The following NUBPL variants were observed in gnomAD, a reference collection of about 807,000 sequenced individuals.
NUBPL encodes the protein NUBP iron-sulfur cluster assembly factor, mitochondrial, also known as iron-sulfur cluster transfer protein NUBPL.
A neutral mutation model predicts 45.7 loss-of-function variants in NUBPL; 31 were observed. The ratio of observed to expected loss-of-function variants is 0.68; its 90% CI spans 0.51 to 0.92. NUBPL has a LOEUF of 0.92. Ranked by LOEUF, NUBPL falls within the 40% of genes least tolerant of loss-of-function variation. The pLI is 0.00. For synonymous variants in NUBPL, 144 were observed against 140.9 expected (o/e 1.02, Z -0.15); for missense variants, 401 against 398.7 (o/e 1.01, Z -0.05).
chr14:31,628,656 A>G lies in NUBPL; in HGVS notation c.382+29277A>G, dbSNP rs185434024. ...TTTCTGTTCATCCTTTTGTCTTCCA[A>G]GTAAAAATGATGTTCCATGAAAAAT... On this transcript the variant is annotated intron_variant, in intron 4 of 10. Coordinates refer to ENST00000281081, the MANE Select transcript of NUBPL (RefSeq NM_025152.3). Among the ~76,000 whole-genome samples the G allele has an allele frequency of 2.1e-3, 318 of 152,236 alleles. 1 individual carries two copies. Among genetic ancestry groups the G allele is most frequent in the African/African-American group, 7.3e-3 (302 of 41,530 alleles).
chr14:31,631,938 G>A (rs1457612245), intron 4 of NUBPL, among the ~76,000 whole-genome samples: 1 of 152,070 alleles, frequency 6.6e-6, no homozygotes, highest in Non-Finnish European at 1.5e-5. Context: ...GTGGCCCAAA[G>A]TGACATAAAA....
rs544923462 is a variant in NUBPL at position 31,603,079 on chromosome 14, A to C, written c.382+3700A>C. 2.6e-5 allele frequency among the ~76,000 whole-genome samples: 4 copies of C among 152,196 alleles called. No homozygotes were observed. In the East Asian group the frequency reaches 7.7e-4, roughly 29 times the overall value. On this transcript the variant is annotated intron_variant, in intron 4 of 10. Coordinates refer to ENST00000281081, the MANE Select transcript of NUBPL (RefSeq NM_025152.3). Reference sequence around the variant, plus strand: ...GTAATCCCAGCACTTTGGGAGACTGAGGTGGGAGGACAGCTTGAGCCCAGG... The same window carrying C: ...GTAATCCCAGCACTTTGGGAGACTGCGGTGGGAGGACAGCTTGAGCCCAGG...
At chr14:31,807,344 GT>G (rs2039710314) in intron 7 of NUBPL, among the ~76,000 whole-genome samples, 4 of 152,042 alleles carry the variant, frequency 2.6e-5, no homozygotes, top group Admixed American at 1.3e-4. Flanking sequence ...TCTCATTGTG[GT>G]TTTGATTTGC....
chr14:31,754,842 TC>T (rs1407539853), intron 6 of NUBPL, among the ~76,000 whole-genome samples: 4 of 78,756 alleles, frequency 5.1e-5, no homozygotes, highest in African/African-American at 2.0e-4. Flanking sequence ...ATGCTATCCC[TC>T]CCCCCTCCCC....
At chr14:31,800,243 G>T (rs760390746) in intron 7 of NUBPL, among the ~76,000 whole-genome samples, 3 of 152,124 alleles carry the variant, frequency 2.0e-5, no homozygotes, top group Non-Finnish European at 4.4e-5. Flanking sequence ...ATCTGTGAGG[G>T]CTGGAATCAA....
intron 7 of NUBPL, among the ~76,000 whole-genome samples, chr14:31,798,807 A>C (rs1290395263): frequency 6.7e-6 from 1 of 149,818 alleles, no homozygotes. Context: ...AAAAAAAAAA[A>C]AAAAAAAAAA....
intron 6 of NUBPL, among the ~76,000 whole-genome samples, chr14:31,741,805 C>A (rs893779472): frequency 6.8e-6 from 1 of 146,668 alleles, no homozygotes; most frequent in African/African-American, 2.8e-5. Context: ...GTCTACCTGT[C>A]TAATTTTTGG....
intron 4 of NUBPL, among the ~76,000 whole-genome samples, chr14:31,618,201 T>G (rs2034962080): frequency 6.6e-6 from 1 of 152,178 alleles, no homozygotes; most frequent in Non-Finnish European, 1.5e-5. Flanking sequence ...GTCTATCTAG[T>G]TTGTTAATCT....
rs573356448 is a variant in NUBPL at position 31,668,949 on chromosome 14, C to G, written c.383-4406C>G. Among the ~76,000 whole-genome samples the G allele has an allele frequency of 1.7e-4, 26 of 152,330 alleles. No individual in the cohort carries two copies. In the South Asian group the frequency reaches 4.8e-3, roughly 28 times the overall value. ...GAAATATCCTGCCTTCTGCATTGGT[C>G]TCGCTGGGAGCTGCAGACCAGAACT... On this transcript the variant is annotated intron_variant, in intron 4 of 10. Coordinates refer to ENST00000281081, the MANE Select transcript of NUBPL (RefSeq NM_025152.3).
At chr14:31,657,503 G>T (rs1170905441) in intron 4 of NUBPL, among the ~76,000 whole-genome samples, 1 of 152,142 alleles carries the variant, frequency 6.6e-6, no homozygotes. Flanking sequence ...GTCTTTGGCT[G>T]TACCTCTATT....
chr14:31,775,561 C>A (rs1225158842), intron 6 of NUBPL, among the ~76,000 whole-genome samples: 2 of 152,166 alleles, frequency 1.3e-5, no homozygotes, highest in Non-Finnish European at 2.9e-5. Flanking sequence ...TGAACTGTTG[C>A]GCCTGATCTG....
intron 6 of NUBPL, among the ~76,000 whole-genome samples, chr14:31,766,791 TAAATTCCACAGG>T (rs2038920348): frequency 6.6e-6 from 1 of 152,180 alleles, no homozygotes; most frequent in Admixed American, 6.5e-5. Flanking sequence ...TACGATTCTT[TAAATTCCACAGG>T]AAGACCGAAG....
intron 4 of NUBPL, among the ~76,000 whole-genome samples, chr14:31,670,101 T>C (rs765992846): frequency 1.8e-4 from 27 of 152,138 alleles, no homozygotes; most frequent in Middle Eastern, 3.2e-3. Context: ...CCATCACCAG[T>C]GTGTAGGTGT....
At chr14:31,624,550 G>T (rs1356981099) in intron 4 of NUBPL, among the ~76,000 whole-genome samples, 3 of 152,048 alleles carry the variant, frequency 2.0e-5, no homozygotes, top group Non-Finnish European at 4.4e-5. Flanking sequence ...ATTTAGCAAT[G>T]ACTAAAGACT....
rs371920804 is a variant in NUBPL at position 31,749,624 on chromosome 14, G to A, written c.514-38156G>A. On this transcript the variant is annotated intron_variant, in intron 6 of 10. Coordinates refer to ENST00000281081, the MANE Select transcript of NUBPL (RefSeq NM_025152.3). The stretch of plus-strand genomic sequence containing the variant: ...ACAGTTTCTTTTCCCTCTGCTTTTC[G>A]AATTCTCTTTTTTTTCTTTCGTTTT... Among the ~76,000 whole-genome samples, 165 of 151,972 alleles carry A rather than the reference G, an allele frequency of 1.1e-3. 6 individuals carry two copies. In the South Asian group the frequency reaches 0.033, roughly 30 times the overall value.
In NUBPL at chr14:31,762,551, A is replaced by G. The variant is rs117983469; in HGVS notation, c.514-25229A>G. ...TCTTGGATGCTTCATATTTATGTGA[A>G]TGACTATGTTAGATGACATATTAAA... On this transcript the variant is annotated intron_variant, in intron 6 of 10. Coordinates refer to ENST00000281081, the MANE Select transcript of NUBPL (RefSeq NM_025152.3). Among the ~76,000 whole-genome samples the G allele has an allele frequency of 3.9e-5, 6 of 152,334 alleles. No homozygotes were observed. The East Asian group carries it at 1.2e-3, about 29-fold the overall frequency.
chr14:31,723,119 A>G (rs1004007020), intron 6 of NUBPL, among the ~76,000 whole-genome samples: 3 of 152,098 alleles, frequency 2.0e-5, no homozygotes, highest in Admixed American at 1.3e-4. Flanking sequence ...TGATTTTTGT[A>G]TATGGTGTAA....
intron 7 of NUBPL, among the ~76,000 whole-genome samples, chr14:31,790,193 A>G (rs1352597873): frequency 6.6e-6 from 1 of 152,050 alleles, no homozygotes; most frequent in East Asian, 1.9e-4. Flanking sequence ...TTTTTTCTCC[A>G]CTTACTTTTC....
At chr14:31,786,155 C>T (rs1327330169) in intron 6 of NUBPL, among the ~76,000 whole-genome samples, 1 of 147,246 alleles carries the variant, frequency 6.8e-6, no homozygotes, top group East Asian at 1.9e-4. Flanking sequence ...GAGACCCTGT[C>T]ACAAAAATGA....
Sources: allele counts gnomAD v4.1 joint callset (sites outside exome capture counted in the v4.1 genomes callset), GRCh38; gene constraint gnomAD v4.1.1; transcripts MANE v1.5; gene names NCBI Gene and HGNC (gene_info 2026-07-23, HGNC 2026-07-21).